SENP1: variants seen among roughly 807,000 people sequenced by gnomAD.
SENP1 encodes SUMO specific peptidase 1, also known as sentrin-specific protease 1.
In SENP1, 21 loss-of-function variants were observed where a neutral mutation model predicts 93.0. That is an observed-to-expected ratio of 0.23 (90% CI 0.16 to 0.33). The LOEUF is 0.33. SENP1 is among the 10% of genes least tolerant of loss of function. The pLI is 1.00. For synonymous variants in SENP1, 256 were observed against 259.6 expected (o/e 0.99, Z 0.13); for missense variants, 591 against 758.7 (o/e 0.78, Z 2.60).
At chr12:48,069,465 A>T (rs763057268) in intron 9 of SENP1, among the ~76,000 whole-genome samples, 1 of 152,160 alleles carries the variant, frequency 6.6e-6, no homozygotes, top group Non-Finnish European at 1.5e-5. Flanking sequence ...CTGCCATCTC[A>T]TTCTTTAGTC....
chr12:48,063,442 A>G (rs1227338920), intron 13 of SENP1, among the ~76,000 whole-genome samples: 4 of 152,224 alleles, frequency 2.6e-5, no homozygotes, highest in South Asian at 2.1e-4. Flanking sequence ...GAGAATACCA[A>G]TGAGTGAATG....
intron 5 of SENP1, chr12:48,085,264 A>G: frequency 6.4e-7 from 1 of 1,553,846 alleles, no homozygotes; most frequent in South Asian, 1.1e-5. Flanking sequence ...CTCATCAACC[A>G]GTACATCGCA....
intron 1 of SENP1, among the ~76,000 whole-genome samples, chr12:48,102,431 C>CAAAAAAAAAAAAA (rs57161608): frequency 1.3e-4 from 6 of 47,468 alleles, no homozygotes; most frequent in Admixed American, 3.0e-4. Flanking sequence ...GACTCTGTCT[C>CAAAAAAAAAAAAA]AAAAAAAAAA....
chr12:48,068,955 C>A (rs1355865123), intron 9 of SENP1, among the ~76,000 whole-genome samples: 1 of 151,842 alleles, frequency 6.6e-6, no homozygotes, highest in Non-Finnish European at 1.5e-5. Context: ...GAGTTCGAGA[C>A]CAGCTTGGCC....
At chr12:48,056,700 T>C (rs1401842439) in intron 13 of SENP1, among the ~76,000 whole-genome samples, 34 of 91,228 alleles carry the variant, frequency 3.7e-4, no homozygotes, top group African/African-American at 1.1e-3. Context: ...TATTATTTAA[T>C]ATATTACATA....
intron 14 of SENP1, among the ~76,000 whole-genome samples, chr12:48,048,484 T>C (rs1247010334): frequency 6.6e-6 from 1 of 152,222 alleles, no homozygotes; most frequent in Admixed American, 6.5e-5. Flanking sequence ...CCTTTTGGCT[T>C]TATGCTTTTG....
intron 4 of SENP1, among the ~76,000 whole-genome samples, chr12:48,090,802 T>A (rs1296691720): frequency 6.6e-6 from 1 of 152,166 alleles, no homozygotes; most frequent in Non-Finnish European, 1.5e-5. Flanking sequence ...TTCACTGTGT[T>A]GCCCAGGCTG....
chr12:48,060,215 G>T (rs1181870676), intron 13 of SENP1, among the ~76,000 whole-genome samples: 1 of 152,122 alleles, frequency 6.6e-6, no homozygotes, highest in African/African-American at 2.4e-5. Context: ...TAATTTTCTA[G>T]TTAAGTTGAA....
Position 48,053,480 on chromosome 12 carries a change from G to GAA in SENP1, c.1408-4350_1408-4349dup, listed in dbSNP as rs56951392. 6.0e-3 allele frequency among the ~76,000 whole-genome samples: 477 copies of GAA among 79,668 alleles called. 4 individuals carry two copies. Among genetic ancestry groups the GAA allele is most frequent in the African/African-American group, 0.017 (404 of 23,248 alleles). 52.3% of individuals were successfully genotyped at this position (79,668 alleles called of 152,430 possible). ...ATTACAGAGTGAGACCCTGTCTCAG[G>GAA]AAAAAAAAAAAAAAAAAAAAGAATG... On this transcript the variant is annotated intron_variant, in intron 13 of 17. Transcript: ENST00000549518.
At chr12:48,084,130 T>C (rs949524155) in intron 5 of SENP1, among the ~76,000 whole-genome samples, 2 of 152,232 alleles carry the variant, frequency 1.3e-5, no homozygotes, top group African/African-American at 4.8e-5. Flanking sequence ...ACATTTTCTA[T>C]TATTCCCTGT....
intron 5 of SENP1, among the ~76,000 whole-genome samples, chr12:48,086,799 G>A (rs1030335454): frequency 1.3e-5 from 2 of 152,144 alleles, no homozygotes; most frequent in South Asian, 2.1e-4. Context: ...GGAAGGGATC[G>A]GGAGGCCAAG....
At chr12:48,093,080 A>G (rs1426826234) in intron 4 of SENP1, among the ~76,000 whole-genome samples, 2 of 152,174 alleles carry the variant, frequency 1.3e-5, no homozygotes, top group African/African-American at 4.8e-5. Context: ...CAAATTTTAA[A>G]TTTTTGGAAT....
chr12:48,066,904 A>T (rs1592354124), intron 10 of SENP1, 23 bp downstream of exon 10: 2 of 1,522,614 alleles, frequency 1.3e-6, no homozygotes, highest in East Asian at 4.8e-5. Context: ...TGAGAAGGAA[A>T]AATGATACCA....
intron 1 of SENP1, among the ~76,000 whole-genome samples, chr12:48,102,109 T>C (rs1367666630): frequency 6.6e-6 from 1 of 152,154 alleles, no homozygotes; most frequent in Non-Finnish European, 1.5e-5. Context: ...ATCCACTTTT[T>C]CCACAAAATA....
Position 48,096,416 on chromosome 12 carries a change from G to T in SENP1, c.147C>A (p.Ser49=). The T allele has an allele frequency of 6.2e-7, 1 of 1,606,206 alleles. No homozygotes were observed. Among genetic ancestry groups the T allele is most frequent in the Non-Finnish European group, 8.5e-7 (1 of 1,174,104 alleles). ...AAGATCGGTCCAAATGTCCTTGCCT[G>T]GAAGATAAAATCTAAACAAAGCAGA... ...LSLSDQQILS[S]RQGHLDRSFT... Residue 49 remains serine (S), a synonymous_variant, in exon 4 of 18, where the codon TCC becomes TCA. Coordinates refer to ENST00000549518, the MANE Select transcript of SENP1 (RefSeq NM_001267594.2).
At chr12:48,103,292 C>A (rs1177763425) in intron 1 of SENP1, among the ~76,000 whole-genome samples, 4 of 152,118 alleles carry the variant, frequency 2.6e-5, no homozygotes, top group African/African-American at 9.7e-5. Context: ...AGTGACTTCC[C>A]TGAAATCACA....
intron 5 of SENP1, among the ~76,000 whole-genome samples, chr12:48,087,035 T>A (rs1255829297): frequency 7.3e-5 from 11 of 151,722 alleles, no homozygotes; most frequent in Admixed American, 7.2e-4. Flanking sequence ...CAAGGCTCCG[T>A]CTCAACAAAA....
chr12:48,088,736 AC>A, intron 5 of SENP1, 64 bp downstream of exon 5: 2 of 1,446,208 alleles, frequency 1.4e-6, no homozygotes, highest in South Asian at 2.5e-5. Flanking sequence ...ATAACTATCT[AC>A]CTTTTAGTCA....
At chr12:48,070,748 A>AT (rs1943632552) in intron 9 of SENP1, among the ~76,000 whole-genome samples, 9 of 152,226 alleles carry the variant, frequency 5.9e-5, no homozygotes, top group Admixed American at 5.9e-4. Flanking sequence ...ATGAATGATC[A>AT]GACATGAATT....
Sources: allele counts gnomAD v4.1 joint callset (sites outside exome capture counted in the v4.1 genomes callset), GRCh38; gene constraint gnomAD v4.1.1; transcripts MANE v1.5; gene names NCBI Gene and HGNC (gene_info 2026-07-23, HGNC 2026-07-21).